MCPH1: variants seen among roughly 807,000 people sequenced by gnomAD.
MCPH1 encodes the protein microcephalin.
Under a neutral mutation model 84.5 loss-of-function variants are expected in MCPH1, and 104 were observed. That is an observed-to-expected ratio of 1.23 (90% CI 1.05 to 1.45). The LOEUF is 1.45. Ranked by LOEUF, MCPH1 falls within the 40% of genes most tolerant of loss-of-function variation. MCPH1 has a pLI of 0.00. For synonymous variants in MCPH1, 514 were observed against 366.8 expected (o/e 1.40, Z -4.58); for missense variants, 1,498 against 1,005.7 (o/e 1.49, Z -6.62).
intron 12 of MCPH1, among the ~76,000 whole-genome samples, chr8:6,571,884 T>A (rs368443468): frequency 3.3e-5 from 5 of 152,302 alleles, no homozygotes; most frequent in African/African-American, 1.2e-4. Context: ...TTGCTTGAAG[T>A]ATATAAAAAT....
chr8:6,453,778 G>C (rs1397003593), intron 8 of MCPH1, among the ~76,000 whole-genome samples: 1 of 152,122 alleles, frequency 6.6e-6, no homozygotes, highest in Non-Finnish European at 1.5e-5. Context: ...AGTGGGCCTG[G>C]GAGAAAAGTC....
At chr8:6,563,560 T>A (rs1396252896) in intron 12 of MCPH1, among the ~76,000 whole-genome samples, 1 of 152,244 alleles carries the variant, frequency 6.6e-6, no homozygotes, top group East Asian at 1.9e-4. Context: ...GCTGGCAAAA[T>A]ATCTGAGGTA....
intron 12 of MCPH1, among the ~76,000 whole-genome samples, chr8:6,531,465 A>AT (rs1294574779): frequency 6.6e-6 from 1 of 150,974 alleles, no homozygotes; most frequent in Non-Finnish European, 1.5e-5. Context: ...ATTTGTTTGT[A>AT]TTTTTTAGTA....
At chr8:6,590,383 C>T (rs11988781) in intron 12 of MCPH1, among the ~76,000 whole-genome samples, 2,759 of 152,088 alleles carry the variant, frequency 0.018, 80 homozygotes, top group African/African-American at 0.064. Context: ...TCTGGAATGT[C>T]TCATAAGCCA....
chr8:6,611,281 G>A (rs1345727997), intron 12 of MCPH1, among the ~76,000 whole-genome samples: 1 of 152,258 alleles, frequency 6.6e-6, no homozygotes, highest in East Asian at 1.9e-4. Flanking sequence ...GCAGGTGAAG[G>A]ACTCAGCCCC....
At chr8:6,521,373 G>C (rs752048437) in intron 12 of MCPH1, 1 of 1,613,366 alleles carries the variant, frequency 6.2e-7, no homozygotes. Context: ...TGGATGATGT[G>C]CTTGTCTTCC....
intron 13 of MCPH1, among the ~76,000 whole-genome samples, chr8:6,639,514 G>C (rs192513761): frequency 6.6e-6 from 1 of 152,102 alleles, no homozygotes; most frequent in African/African-American, 2.4e-5. Flanking sequence ...AATTTTAAAA[G>C]TAGCCTGGTG....
intron 12 of MCPH1, among the ~76,000 whole-genome samples, chr8:6,504,617 A>T (rs1335995904): frequency 6.6e-6 from 1 of 152,208 alleles, no homozygotes; most frequent in East Asian, 1.9e-4. Flanking sequence ...GAGAAGCTGT[A>T]AAGTGCTTCC....
chr8:6,435,329 T>G lies in MCPH1; in HGVS notation c.322-719T>G, dbSNP rs536690187. Among the ~76,000 whole-genome samples the G allele has an allele frequency of 2.8e-4, 42 of 152,228 alleles. No individual in the cohort carries two copies. In the South Asian group the frequency reaches 8.7e-3, roughly 32 times the overall value. On this transcript the variant is annotated intron_variant, in intron 4 of 13. Coordinates refer to ENST00000344683, the MANE Select transcript of MCPH1 (RefSeq NM_024596.5). ...AGAGTCCAAGATCATGCCACTTGTTTTGAGAAAAGAAAGGCTTTATTGCAA... is the reference window on the plus strand; with the variant it reads ...AGAGTCCAAGATCATGCCACTTGTTGTGAGAAAAGAAAGGCTTTATTGCAA...
chr8:6,552,758 T>C (rs1823876384), intron 12 of MCPH1, among the ~76,000 whole-genome samples: 1 of 152,112 alleles, frequency 6.6e-6, no homozygotes, highest in Non-Finnish European at 1.5e-5. Flanking sequence ...CAGTGATTGT[T>C]TCGGCCAGTT....
At position 6,444,653 on chromosome 8, in the gene MCPH1, G is replaced by C. The variant is rs1208326543; in HGVS notation, c.931G>C (p.Val311Leu). 6.2e-7 allele frequency: 1 copy of C among 1,614,092 alleles called. No homozygotes were observed. Among genetic ancestry groups the C allele is most frequent in the South Asian group, 1.1e-5 (1 of 91,078 alleles). The change falls in exon 8 of 14, where the codon GTC becomes CTC. Residue 311 changes from valine (V) to leucine (L), a missense_variant. Physicochemically the swap from Val to Leu is conservative, Grantham distance 32 (BLOSUM62 1). Transcript: ENST00000344683. Reference protein sequence around the residue: ...NLQRNIAGKVVTPDQKQAAGM... With the variant: ...NLQRNIAGKVLTPDQKQAAGM... ...GCAAAGAAATATTGCAGGTAAAGTA[G>C]TCACCCCTGACCAAAAGCAGGCTGC...
intron 9 of MCPH1, among the ~76,000 whole-genome samples, chr8:6,472,823 A>C (rs1309011964): frequency 1.3e-5 from 2 of 152,206 alleles, no homozygotes; most frequent in Admixed American, 6.5e-5. Context: ...CGGAAGGCAA[A>C]ATATCAAAAA....
At chr8:6,427,703 C>T (rs904951957) in intron 3 of MCPH1, among the ~76,000 whole-genome samples, 2 of 151,978 alleles carry the variant, frequency 1.3e-5, no homozygotes, top group Non-Finnish European at 2.9e-5. Flanking sequence ...AATAATCTAT[C>T]TCTCTGTTAC....
rs1325837890 is a variant in MCPH1 at position 6,648,415 on chromosome 8, A to G, written c.*5366A>G. On this transcript the variant is annotated 3_prime_UTR_variant, in exon 14 of 14. Transcript: ENST00000344683. Reference sequence around the variant, plus strand: ...GAAAGTAATATGCAGATAACAGCCCAGGGGAATCTGGGCAGCACTGTGAAA... The same window carrying G: ...GAAAGTAATATGCAGATAACAGCCCGGGGGAATCTGGGCAGCACTGTGAAA... The G allele has an allele frequency of 3.9e-5, 6 of 152,254 alleles. No individual in the cohort carries two copies. Among genetic ancestry groups the G allele is most frequent in the Admixed American group, 3.9e-4 (6 of 15,280 alleles). The allele number at this position is 152,254 out of a possible 1,614,324, so 9.4% of individuals were successfully genotyped here.
chr8:6,409,183 C>A, intron 1 of MCPH1, 96 bp from the exon 2 acceptor site: 3 of 1,046,582 alleles, frequency 2.9e-6, no homozygotes, highest in Middle Eastern at 2.1e-4. Context: ...ACTGTGCCGG[C>A]CTCGGTTTAC....
intron 12 of MCPH1, among the ~76,000 whole-genome samples, chr8:6,585,255 A>G (rs1450251178): frequency 1.3e-5 from 2 of 152,182 alleles, no homozygotes; most frequent in East Asian, 3.9e-4. Context: ...CACAGCCATA[A>G]AAGACACCAC....
Position 6,521,088 on chromosome 8 carries a change from T to G in MCPH1, c.2214+21159T>G, listed in dbSNP as rs1016700020. 3.7e-5 allele frequency: 37 copies of G among 994,664 alleles called. 1 individual carries two copies. In the African/African-American group the frequency reaches 5.4e-4, roughly 14 times the overall value. 61.6% of individuals were successfully genotyped at this position (994,664 alleles called of 1,614,324 possible). On this transcript the variant is annotated intron_variant, in intron 12 of 13. Transcript: ENST00000344683. ...TATGAAATATATGAGAAATAGCGCC[T>G]TTTCTGAAAGGTGAGAATTTTTTAG...
intron 13 of MCPH1, among the ~76,000 whole-genome samples, chr8:6,631,780 G>C (rs570619301): frequency 1.1e-4 from 16 of 152,308 alleles, no homozygotes; most frequent in African/African-American, 3.6e-4. Context: ...CAGTGTGGCA[G>C]TTCATCAAAA....
In MCPH1 at chr8:6,644,647, A is replaced by C. The variant is rs1798126383; in HGVS notation, c.*1598A>C. On this transcript the variant is annotated 3_prime_UTR_variant, in exon 14 of 14. Coordinates refer to ENST00000344683, the MANE Select transcript of MCPH1 (RefSeq NM_024596.5). ...ATAACCAAGGAGGCAAAGGATCTCT[A>C]CAAGGAGAACCATAAACGAGATGCT... 1 of 152,168 alleles carries C rather than the reference A, an allele frequency of 6.6e-6. No homozygotes were observed. The highest frequency in any genetic ancestry group is 1.5e-5 in the Non-Finnish European group (1 of 68,028). 9.4% of individuals were successfully genotyped at this position (152,168 alleles called of 1,614,324 possible). A position where few individuals can be genotyped will look rare whatever the true frequency, so the allele number is the denominator to read the frequency against.
Sources: gnomAD v4.1 joint callset for allele counts (sites outside exome capture counted in the v4.1 genomes callset) on GRCh38, gnomAD v4.1.1 for gene constraint, MANE v1.5 for transcripts, NCBI Gene and HGNC (gene_info 2026-07-23, HGNC 2026-07-21) for gene names.